IL1RAPL2: variants seen among roughly 807,000 people sequenced by gnomAD.
IL1RAPL2 encodes X-linked interleukin-1 receptor accessory protein-like 2.
In IL1RAPL2, 3 loss-of-function variants were observed where a neutral mutation model predicts 44.1. The ratio of observed to expected loss-of-function variants is 0.07; its 90% CI spans 0.03 to 0.18. IL1RAPL2 has a LOEUF of 0.18. IL1RAPL2 is among the 10% of genes least tolerant of loss of function. The pLI, the probability that IL1RAPL2 is intolerant of heterozygous loss-of-function variation, is 1.00. For missense variants in IL1RAPL2, 391 were observed against 496.4 expected, an observed-to-expected ratio of 0.79 and a Z score of 2.02; for synonymous variants, 181 against 178.8, an observed-to-expected ratio of 1.01 and a Z score of -0.10.
intron 1 of IL1RAPL2, among the ~76,000 whole-genome samples, chrX:104,629,965 C>T (rs1159529688): frequency 1.8e-5 from 2 of 111,214 alleles, no homozygotes; most frequent in African/African-American, 6.5e-5. Context: ...TAGTGTGATG[C>T]CTCAAGCCTT....
intron 5 of IL1RAPL2, among the ~76,000 whole-genome samples, chrX:105,454,378 G>A (rs1178475387): frequency 9.0e-6 from 1 of 111,460 alleles, no homozygotes; most frequent in East Asian, 2.8e-4. Flanking sequence ...AGGCCGAAGA[G>A]CCCCTGTATC....
chrX:104,804,850 A>C (rs1011821875), intron 2 of IL1RAPL2, among the ~76,000 whole-genome samples: 1 of 112,515 alleles, frequency 8.9e-6, no homozygotes, highest in Non-Finnish European at 1.9e-5. Flanking sequence ...TTCAAACTTA[A>C]ATTCTAGTTG....
At chrX:105,034,484 G>T (rs1310338908) in intron 2 of IL1RAPL2, among the ~76,000 whole-genome samples, 1 of 112,362 alleles carries the variant, frequency 8.9e-6, no homozygotes, top group African/African-American at 3.2e-5. Flanking sequence ...TTTGCTAGAG[G>T]TCCACTCCAG....
intron 2 of IL1RAPL2, among the ~76,000 whole-genome samples, chrX:104,681,921 T>C (rs1235856408): frequency 8.9e-6 from 1 of 112,947 alleles, no homozygotes; most frequent in African/African-American, 3.2e-5. Context: ...ATGGCTAGAA[T>C]GACCACCCAT....
chrX:104,608,574 T>C (rs924002784), intron 1 of IL1RAPL2, among the ~76,000 whole-genome samples: 6 of 110,717 alleles, frequency 5.4e-5, no homozygotes, highest in African/African-American at 2.0e-4. Flanking sequence ...AATTGATCCC[T>C]TTACCATTAT....
chrX:105,207,938 G>T (rs1457682007), intron 3 of IL1RAPL2, among the ~76,000 whole-genome samples: 1 of 112,102 alleles, frequency 8.9e-6, no homozygotes, highest in Non-Finnish European at 1.9e-5. Flanking sequence ...TAAAGTAATA[G>T]TACAGTAAAA....
At chrX:105,040,175 G>C (rs2031702329) in intron 2 of IL1RAPL2, among the ~76,000 whole-genome samples, 2 of 111,302 alleles carry the variant, frequency 1.8e-5, no homozygotes, top group South Asian at 7.7e-4. Context: ...TTATATGCTG[G>C]ATTATATTTA....
intron 1 of IL1RAPL2, among the ~76,000 whole-genome samples, chrX:104,648,153 T>G (rs1350673044): frequency 1.8e-5 from 2 of 112,027 alleles, no homozygotes; most frequent in Admixed American, 9.4e-5. Context: ...CCATTATATG[T>G]GGAATCATAT....
intron 1 of IL1RAPL2, among the ~76,000 whole-genome samples, chrX:104,629,716 G>T (rs1569284442): frequency 9.0e-6 from 1 of 111,596 alleles, no homozygotes; most frequent in Non-Finnish European, 1.9e-5. Context: ...TATGGTGAGA[G>T]ATAGGGATCC....
At chrX:105,746,256 G>T (rs756526000) in intron 8 of IL1RAPL2, among the ~76,000 whole-genome samples, 6 of 112,194 alleles carry the variant, frequency 5.3e-5, no homozygotes, top group Non-Finnish European at 1.1e-4. Flanking sequence ...AGCTACACAT[G>T]TACTTTGGGT....
At chrX:104,985,790 T>C (rs1404452568) in intron 2 of IL1RAPL2, among the ~76,000 whole-genome samples, 1 of 112,331 alleles carries the variant, frequency 8.9e-6, no homozygotes, top group East Asian at 2.8e-4. Flanking sequence ...ATTTAATGAA[T>C]GCCTTTGGAG....
chrX:105,766,800 T>A (rs1379555761), intron 10 of IL1RAPL2, among the ~76,000 whole-genome samples, 164 bp from the exon 11 acceptor site: 1 of 91,015 alleles, frequency 1.1e-5, no homozygotes, highest in Non-Finnish European at 1.9e-5. Flanking sequence ...ATAAGCAGTT[T>A]TTTTTTTTTT....
At chrX:105,283,974 CATG>C (rs2034552058) in intron 5 of IL1RAPL2, among the ~76,000 whole-genome samples, 1 of 111,333 alleles carries the variant, frequency 9.0e-6, no homozygotes, top group Non-Finnish European at 1.9e-5. Flanking sequence ...AAATATTAAG[CATG>C]ATAATTGTAC....
chrX:104,677,144 T>C (rs1303420964), intron 2 of IL1RAPL2, among the ~76,000 whole-genome samples: 10 of 111,954 alleles, frequency 8.9e-5, no homozygotes, highest in East Asian at 2.8e-4. Flanking sequence ...TGGTGAGGAA[T>C]TGCGTTCCTT....
At chrX:105,158,712 A>C (rs2147593555) in intron 2 of IL1RAPL2, among the ~76,000 whole-genome samples, 1 of 112,152 alleles carries the variant, frequency 8.9e-6, no homozygotes, top group Non-Finnish European at 1.9e-5. Context: ...ATAATAAAAT[A>C]CGTAAAGTAG....
chrX:105,748,221 G>A (rs1342002843), intron 8 of IL1RAPL2, among the ~76,000 whole-genome samples: 1 of 111,938 alleles, frequency 8.9e-6, no homozygotes, highest in African/African-American at 3.2e-5. Context: ...TGATTTAATT[G>A]TTCCAATGCT....
At chrX:104,983,495 T>G (rs962837575) in intron 2 of IL1RAPL2, among the ~76,000 whole-genome samples, 2 of 99,782 alleles carry the variant, frequency 2.0e-5, no homozygotes, top group African/African-American at 7.3e-5. Flanking sequence ...TTATATTAGA[T>G]ACATAATATT....
At chrX:104,607,915 C>G (rs1425823765) in intron 1 of IL1RAPL2, among the ~76,000 whole-genome samples, 1 of 111,836 alleles carries the variant, frequency 8.9e-6, no homozygotes, top group Non-Finnish European at 1.9e-5. Context: ...TGCTAGTATA[C>G]AGACACATGC....
chrX:105,009,203 G>T (rs1272378537), intron 2 of IL1RAPL2, among the ~76,000 whole-genome samples: 1 of 111,479 alleles, frequency 9.0e-6, no homozygotes, highest in Non-Finnish European at 1.9e-5. Context: ...ATTCCTCAAT[G>T]ATCTAGAACT....
Sources: gnomAD v4.1 joint callset for allele counts (sites outside exome capture counted in the v4.1 genomes callset) on GRCh38, gnomAD v4.1.1 for gene constraint, MANE v1.5 for transcripts, NCBI Gene and HGNC (gene_info 2026-07-23, HGNC 2026-07-21) for gene names.